Variants in ATP6V0D1 observed in about 807,000 individuals in gnomAD.
ATP6V0D1 encodes V-type proton ATPase subunit d 1.
ATP6V0D1 carries 13 observed loss-of-function variants against 39.0 expected under a neutral mutation model. The observed-to-expected ratio is 0.33, with a 90% CI of 0.22 to 0.53. The LOEUF (loss-of-function observed/expected upper bound fraction) is 0.53, where lower values mean the gene tolerates loss of function less well. Among genes scored for constraint, ATP6V0D1 ranks in the 20% least tolerant of loss-of-function variants. The pLI is 0.94. For missense variants in ATP6V0D1, 272 were observed against 470.9 expected (o/e 0.58, Z 3.91); for synonymous variants, 191 against 191.2 (o/e 1.00, Z 0.01).
Position 67,438,807 on chromosome 16 carries a change from A to G in ATP6V0D1, c.880T>C (p.Phe294Leu). 1.2e-6 allele frequency: 2 copies of G among 1,612,896 alleles called. No individual in the cohort carries two copies. Among genetic ancestry groups the G allele is most frequent in the Non-Finnish European group, 1.7e-6 (2 of 1,179,868 alleles). Residue 294 changes from phenylalanine (F) to leucine (L), a missense_variant, in exon 7 of 8, where the codon TTC becomes CTC. Transcript: ENST00000290949. ...NPGDKTLEDR[F>L]FEHEVKLNKL... ...TGCAGACTCACCTCGTGCTCAAAGA[A>G]TCGGTCCTCCAGCGTCTTGTCTCCA...
intron 1 of ATP6V0D1, among the ~76,000 whole-genome samples, chr16:67,472,460 T>A (rs577911713): frequency 2.6e-5 from 4 of 152,344 alleles, no homozygotes; most frequent in Middle Eastern, 3.4e-3. Flanking sequence ...TGGATCACGT[T>A]TGACTCAGAG....
Position 67,444,402 on chromosome 16 carries a change from G to A in ATP6V0D1, c.481+126C>T, listed in dbSNP as rs1277958067. ...AGGAGGAAGTTGAAGGGAGACAAAG[G>A]TAAGCAGCAGTGGGCAGGTCTCACT... On this transcript the variant is annotated intron_variant, in intron 3 of 7. Coordinates refer to ENST00000290949, the MANE Select transcript of ATP6V0D1 (RefSeq NM_004691.5). This position sits in a 1 kb window ranked among gnomAD's most constrained non-coding sequence, Gnocchi z 4.8. The A allele has an allele frequency of 8.2e-6, 8 of 977,870 alleles. No homozygotes were observed. In the East Asian group the frequency reaches 1.9e-4, roughly 23 times the overall value. 60.6% of individuals were successfully genotyped at this position (977,870 alleles called of 1,614,324 possible). A position where few individuals can be genotyped will look rare whatever the true frequency, so the allele number is the denominator to read the frequency against.
intron 4 of ATP6V0D1, among the ~76,000 whole-genome samples, chr16:67,442,032 A>G (rs2041058909): frequency 6.6e-6 from 1 of 152,220 alleles, no homozygotes; most frequent in South Asian, 2.1e-4. Flanking sequence ...GTCCATCTGG[A>G]ATGTGTCCTT....
At chr16:67,474,609 A>AT (rs1356599027) in intron 1 of ATP6V0D1, among the ~76,000 whole-genome samples, 1 of 152,224 alleles carries the variant, frequency 6.6e-6, no homozygotes, top group African/African-American at 2.4e-5. Context: ...TGGCAGGACC[A>AT]TCATTTTCCC....
chr16:67,444,995 G>A lies in ATP6V0D1; in HGVS notation c.303-289C>T, dbSNP rs1422938440. On this transcript the variant is annotated intron_variant, in intron 2 of 7. Coordinates refer to ENST00000290949, the MANE Select transcript of ATP6V0D1 (RefSeq NM_004691.5). The surrounding 1 kb of genome is among the most constrained non-coding windows in gnomAD (Gnocchi z 4.8). Reference sequence around the variant, plus strand: ...TGGGACACGAGCTAACTACCCCACAGCATGAACAGTGTTCTAACAGGACAC... The same window carrying A: ...TGGGACACGAGCTAACTACCCCACAACATGAACAGTGTTCTAACAGGACAC... Among the ~76,000 whole-genome samples, 1 of 152,212 alleles carries A rather than the reference G, an allele frequency of 6.6e-6. No individual in the cohort carries two copies. Among genetic ancestry groups the A allele is most frequent in the Non-Finnish European group, 1.5e-5 (1 of 68,042 alleles).
intron 1 of ATP6V0D1, among the ~76,000 whole-genome samples, chr16:67,468,995 CATAA>C (rs533870260): frequency 8.1e-4 from 124 of 152,290 alleles, no homozygotes; most frequent in Middle Eastern, 3.4e-3. Context: ...CTGACTTGAC[CATAA>C]ATAGCTTCTC....
At chr16:67,479,635 G>A in intron 1 of ATP6V0D1, among the ~76,000 whole-genome samples, 1 of 152,154 alleles carries the variant, frequency 6.6e-6, no homozygotes. Context: ...AACAATAAAT[G>A]ACTTTTTCAT....
intron 1 of ATP6V0D1, among the ~76,000 whole-genome samples, chr16:67,467,750 T>G (rs1250492710): frequency 6.6e-6 from 1 of 152,218 alleles, no homozygotes; most frequent in Non-Finnish European, 1.5e-5. Flanking sequence ...ACTAGGGTCC[T>G]GACCCTGAGC....
At position 67,444,492 on chromosome 16, in the gene ATP6V0D1, C is replaced by T. The variant is rs947346432; in HGVS notation, c.481+36G>A. 6.4e-7 allele frequency: 1 copy of T among 1,556,870 alleles called. No homozygotes were observed. The highest frequency in any genetic ancestry group is 1.4e-5 in the African/African-American group (1 of 73,776). On this transcript the variant is annotated intron_variant, in intron 3 of 7. Transcript: ENST00000290949. The surrounding 1 kb of genome is among the most constrained non-coding windows in gnomAD (Gnocchi z 4.8). Reference sequence around the variant, plus strand: ...CACCCTGATGCGCTGATGCTGACACCACTGCCCACCTCCCATGACCACCAC... The same window carrying T: ...CACCCTGATGCGCTGATGCTGACACTACTGCCCACCTCCCATGACCACCAC...
intron 1 of ATP6V0D1, among the ~76,000 whole-genome samples, chr16:67,471,223 G>A (rs2041370272): frequency 6.6e-6 from 1 of 152,182 alleles, no homozygotes; most frequent in Non-Finnish European, 1.5e-5. Context: ...GTCTGGTTCT[G>A]TTGCCCAGAC....
rs528309182 is a variant in ATP6V0D1, at chr16:67,444,977, C to T, written c.303-271G>A. Among the ~76,000 whole-genome samples the T allele has an allele frequency of 1.1e-4, 17 of 152,126 alleles. No homozygotes were observed. The highest frequency in any genetic ancestry group is 3.4e-4 in the African/African-American group (14 of 41,424). On this transcript the variant is annotated intron_variant, in intron 2 of 7. Coordinates refer to ENST00000290949, the MANE Select transcript of ATP6V0D1 (RefSeq NM_004691.5). This position sits in a 1 kb window ranked among gnomAD's most constrained non-coding sequence, Gnocchi z 4.8. ...TCATGCCCTGTGAGGGACTGGGACA[C>T]GAGCTAACTACCCCACAGCATGAAC...
intron 1 of ATP6V0D1, among the ~76,000 whole-genome samples, chr16:67,459,823 G>T (rs977842806): frequency 2.0e-5 from 3 of 152,242 alleles, no homozygotes; most frequent in Non-Finnish European, 4.4e-5. Flanking sequence ...GTGCCAGGGG[G>T]TTGGTCCCAC....
chr16:67,478,613 CAAAAAAAAAAAAA>C lies in ATP6V0D1; in HGVS notation c.130+2331_130+2343del, dbSNP rs1292018624. ...TGGGTGACAGGGCTAGACTCTGTCT[CAAAAAAAAAAAAA>C]AAAAAGAAAGAAAGAAAGAAATGTG... On this transcript the variant is annotated intron_variant, in intron 1 of 7. Transcript: ENST00000290949. Among the ~76,000 whole-genome samples, 3 of 51,550 alleles carry C rather than the reference CAAAAAAAAAAAAA, an allele frequency of 5.8e-5. No homozygotes were observed. The East Asian group carries it at 1.9e-3, about 33-fold the overall frequency. 33.8% of individuals were successfully genotyped at this position (51,550 alleles called of 152,430 possible).
intron 1 of ATP6V0D1, among the ~76,000 whole-genome samples, chr16:67,472,164 C>T (rs2041378669): frequency 6.6e-6 from 1 of 152,156 alleles, no homozygotes; most frequent in African/African-American, 2.4e-5. Context: ...GGCTGCCAGA[C>T]ACCACCAACA....
chr16:67,468,288 T>C (rs924825126), intron 1 of ATP6V0D1, among the ~76,000 whole-genome samples: 1 of 151,980 alleles, frequency 6.6e-6, no homozygotes, highest in Non-Finnish European at 1.5e-5. Context: ...TGAGACCCTG[T>C]CTTAAAAAAG....
rs775286082 is a variant in ATP6V0D1, at chr16:67,453,635, C to T, written c.211G>A (p.Asp71Asn). Residue 71 changes from aspartate to asparagine, a missense_variant, in exon 2 of 8, where the codon GAT becomes AAT. Coordinates refer to ENST00000290949, the MANE Select transcript of ATP6V0D1 (RefSeq NM_004691.5). The surrounding 1 kb of genome is among the most constrained non-coding windows in gnomAD (Gnocchi z 4.1). ...EASPLTVSVI[D>N]DRLKEKMVVE... ...ACCATCTTCTCCTTGAGCCGGTCAT[C>T]GATGACTGACACCGTCAGAGGTGAT... The T allele has an allele frequency of 2.5e-6, 4 of 1,614,182 alleles. No homozygotes were observed. Among genetic ancestry groups the T allele is most frequent in the Admixed American group, 3.3e-5 (2 of 60,018 alleles).
intron 1 of ATP6V0D1, among the ~76,000 whole-genome samples, chr16:67,463,346 C>T: frequency 6.6e-6 from 1 of 151,988 alleles, no homozygotes; most frequent in East Asian, 1.9e-4. Context: ...GCCTGAGCAA[C>T]ACAGAGAGAC....
intron 3 of ATP6V0D1, among the ~76,000 whole-genome samples, chr16:67,443,663 T>C (rs952676109): frequency 1.3e-5 from 2 of 151,718 alleles, no homozygotes; most frequent in Non-Finnish European, 2.9e-5. Flanking sequence ...CACTGTGGGG[T>C]TGGAAAGAGA....
At chr16:67,452,142 TC>T in intron 2 of ATP6V0D1, 1 of 1,451,838 alleles carries the variant, frequency 6.9e-7, no homozygotes, top group Non-Finnish European at 9.2e-7. Context: ...CAGGGAATGA[TC>T]AACAGATGGG....
Sources: gnomAD v4.1 joint callset for allele counts (sites outside exome capture counted in the v4.1 genomes callset) on GRCh38, gnomAD v4.1.1 for gene constraint, Gnocchi (gnomAD v3.1) non-coding constraint, MANE v1.5 for transcripts, NCBI Gene and HGNC (gene_info 2026-07-23, HGNC 2026-07-21) for gene names.